The following ZSCAN1 variants were observed in gnomAD, a reference collection of about 807,000 sequenced individuals.
The protein encoded by ZSCAN1 is zinc finger and SCAN domain-containing protein 1.
In ZSCAN1, 23 loss-of-function variants were observed where a neutral mutation model predicts 23.8. The observed-to-expected ratio is 0.97, with a 90% CI of 0.70 to 1.37. ZSCAN1 has a LOEUF of 1.37. Among genes scored for constraint, ZSCAN1 ranks in the 40% most tolerant of loss-of-function variants. The pLI, the probability that ZSCAN1 is intolerant of heterozygous loss-of-function variation, is 0.00. For missense variants in ZSCAN1, 575 were observed against 554.0 expected (o/e 1.04, Z -0.38); for synonymous variants, 236 against 232.3 (o/e 1.02, Z -0.15).
chr19:58,045,427 C>T lies in ZSCAN1; in HGVS notation c.465+4883C>T, dbSNP rs754859177. 1.6e-5 allele frequency: 17 copies of T among 1,060,092 alleles called. No individual in the cohort carries two copies. Among genetic ancestry groups the T allele is most frequent in the Non-Finnish European group, 2.4e-5 (16 of 673,756 alleles). 65.7% of individuals were successfully genotyped at this position (1,060,092 alleles called of 1,614,324 possible). On this transcript the variant is annotated intron_variant, in intron 4 of 5. Coordinates refer to ENST00000282326, the MANE Select transcript of ZSCAN1 (RefSeq NM_182572.4). This position sits in a 1 kb window ranked among gnomAD's most constrained non-coding sequence, Gnocchi z 4.3. ...AAGAACGAGGCAGCCAAGGGCAGTG[C>T]CACCAAAGACTTCTCTGTGTTTTTC...
At chr19:58,050,035 A>C (rs1396243021) in intron 4 of ZSCAN1, among the ~76,000 whole-genome samples, 1 of 150,394 alleles carries the variant, frequency 6.6e-6, no homozygotes, top group Non-Finnish European at 1.5e-5. Flanking sequence ...GGAGGGGGAA[A>C]TGAAGGTTGG....
At position 58,037,715 on chromosome 19, in the gene ZSCAN1, C is replaced by G. The variant is rs1255071989; in HGVS notation, c.-109-13C>G. On this transcript the variant is annotated splice_polypyrimidine_tract_variant and intron_variant, in intron 2 of 5. Coordinates refer to ENST00000282326, the MANE Select transcript of ZSCAN1 (RefSeq NM_182572.4). Reference sequence around the variant, plus strand: ...ATCTGATGTGACCCCTCTGTCCCTGCCCCTCTCTGCAGGCCCCTGATTGCT... The same window carrying G: ...ATCTGATGTGACCCCTCTGTCCCTGGCCCTCTCTGCAGGCCCCTGATTGCT... The G allele has an allele frequency of 4.0e-6, 5 of 1,260,194 alleles. No homozygotes were observed. The Admixed American group carries it at 1.5e-4, about 37-fold the overall frequency. The allele number at this position is 1,260,194 out of a possible 1,614,324, so 78.1% of individuals were successfully genotyped here.
chr19:58,051,409 T>A (rs1449409601), intron 4 of ZSCAN1, among the ~76,000 whole-genome samples: 1 of 152,050 alleles, frequency 6.6e-6, no homozygotes, highest in African/African-American at 2.4e-5. Flanking sequence ...ATCCACATAC[T>A]CCCAACGTGA....
downstream of ZSCAN1, among the ~76,000 whole-genome samples, chr19:58,055,703 G>A (rs774580075): frequency 6.6e-6 from 1 of 152,198 alleles, no homozygotes; most frequent in Admixed American, 6.5e-5. Context: ...GGGAGCCAGG[G>A]GCTCATTCCA....
rs2073876584 is a variant in ZSCAN1 at position 58,053,999 on chromosome 19, T to C, written c.1175T>C (p.Met392Thr). 1.9e-6 allele frequency: 3 copies of C among 1,574,464 alleles called. No individual in the cohort carries two copies. Among genetic ancestry groups the C allele is most frequent in the Non-Finnish European group, 1.7e-6 (2 of 1,159,904 alleles). Residue 392 changes from methionine to threonine, a missense_variant, in exon 6 of 6, where the codon ATG becomes ACG. Met to Thr is a moderately conservative substitution (Grantham distance 81). Coordinates refer to ENST00000282326, the MANE Select transcript of ZSCAN1 (RefSeq NM_182572.4). This position sits in a 1 kb window ranked among gnomAD's most constrained non-coding sequence, Gnocchi z 5.8. ...GTCTGCGGGAAGGCCTTCCCCTGGA[T>C]GGTCCACCTCATTGACCACCAGAAG... Reference protein sequence around the residue: ...CSVCGKAFPWMVHLIDHQKLH... With the variant: ...CSVCGKAFPWTVHLIDHQKLH...
In ZSCAN1 at chr19:58,054,336, C is replaced by T. The variant is rs989010920; in HGVS notation, c.*285C>T. On this transcript the variant is annotated 3_prime_UTR_variant, in exon 6 of 6. Coordinates refer to ENST00000282326, the MANE Select transcript of ZSCAN1 (RefSeq NM_182572.4). The surrounding 1 kb of genome is among the most constrained non-coding windows in gnomAD (Gnocchi z 4.2). ...GTGGCTTGAAGAGGAGTTTCATTCG[C>T]GTCCCATCTTTCAGAAGCCTTGTCC... 2.9e-5 allele frequency: 10 copies of T among 347,048 alleles called. No homozygotes were observed. Among genetic ancestry groups the T allele is most frequent in the East Asian group, 8.8e-5 (2 of 22,732 alleles). 21.5% of individuals were successfully genotyped at this position (347,048 alleles called of 1,614,324 possible). A position where few individuals can be genotyped will look rare whatever the true frequency, so the allele number is the denominator to read the frequency against.
intron 4 of ZSCAN1, among the ~76,000 whole-genome samples, chr19:58,043,052 G>A (rs1454751537): frequency 6.6e-6 from 1 of 152,256 alleles, no homozygotes; most frequent in African/African-American, 2.4e-5. Flanking sequence ...AGGCATTGCC[G>A]CTGCCAGGGT....
In ZSCAN1 at chr19:58,052,615, C is replaced by T. The variant is rs1392801502; in HGVS notation, c.591C>T (p.Ala197=). ...HTRAEAEAPR[A]PGLLGSRARL... is the part of the protein sequence containing the mutation. The stretch of plus-strand genomic sequence containing the variant: ...GGGCGGAGGCCGAAGCGCCCCGCGC[C>T]CCTGGCTTGCTGGGTGAGTCTGGCT... Residue 197 remains alanine (A), a synonymous_variant, in exon 5 of 6, where the codon GCC becomes GCT. Transcript: ENST00000282326. 6.2e-7 allele frequency: 1 copy of T among 1,602,020 alleles called. No homozygotes were observed. Among genetic ancestry groups the T allele is most frequent in the Non-Finnish European group, 8.5e-7 (1 of 1,173,492 alleles).
At chr19:58,046,892 C>T (rs2073829938) in intron 4 of ZSCAN1, 2 of 577,398 alleles carry the variant, frequency 3.5e-6, no homozygotes, top group Non-Finnish European at 6.3e-6. Flanking sequence ...CAGAGACTTC[C>T]ATAATCAAGT....
chr19:58,036,515 C>CT lies in ZSCAN1; in HGVS notation c.-110+522dup, dbSNP rs66483587. On this transcript the variant is annotated intron_variant, in intron 2 of 5. Transcript: ENST00000282326. ...AAAGGTAACTTCTTTTTTTTCTTTT[C>CT]TTTTTTTTTTTTTTTTTTGAGACAG... 6.9e-4 allele frequency among the ~76,000 whole-genome samples: 64 copies of CT among 93,388 alleles called. 1 individual carries two copies. The highest frequency in any genetic ancestry group is 3.2e-3 in the East Asian group (13 of 4,092). 61.3% of individuals were successfully genotyped at this position (93,388 alleles called of 152,430 possible).
rs1421312957 is a variant in ZSCAN1, at chr19:58,045,688, C to G, written c.465+5144C>G. The G allele has an allele frequency of 5.4e-6, 5 of 929,596 alleles. No homozygotes were observed. Among genetic ancestry groups the G allele is most frequent in the Non-Finnish European group, 8.9e-6 (5 of 560,200 alleles). 57.6% of individuals were successfully genotyped at this position (929,596 alleles called of 1,614,324 possible). On this transcript the variant is annotated intron_variant, in intron 4 of 5. Transcript: ENST00000282326. The surrounding 1 kb of genome is among the most constrained non-coding windows in gnomAD (Gnocchi z 4.3). The stretch of plus-strand genomic sequence containing the variant: ...GGTGGACAGCCTGAACGTCAAGGAG[C>G]TGCAGGCGGCATGTCGGGCACGAGG...
chr19:58,048,037 C>A (rs1276709937), intron 4 of ZSCAN1, among the ~76,000 whole-genome samples: 1 of 152,240 alleles, frequency 6.6e-6, no homozygotes, highest in South Asian at 2.1e-4. Flanking sequence ...AGGAATGGCA[C>A]AGGCAGCCAG....
intron 1 of ZSCAN1, among the ~76,000 whole-genome samples, chr19:58,034,370 G>C (rs1368387170): frequency 6.6e-6 from 1 of 151,068 alleles, no homozygotes; most frequent in Non-Finnish European, 1.5e-5. Context: ...CGCCGTAGGG[G>C]AGGGAAGGGG....
Position 58,038,041 on chromosome 19 carries a change from C to A in ZSCAN1, c.205C>A (p.Pro69Thr), listed in dbSNP as rs756705090. ...GACGCTGTGCCGCCAGTGGCTGAGG[C>A]CCGAGGCGCGCTCCAAGGAGCAGAT... ...LWTLCRQWLR[P>T]EARSKEQMLE... The change falls in exon 3 of 6, where the codon CCC becomes ACC. Residue 69 changes from proline (P) to threonine (T), a missense_variant. Pro to Thr is a conservative substitution (Grantham distance 38). Transcript: ENST00000282326. 8.1e-6 allele frequency: 13 copies of A among 1,611,574 alleles called. No homozygotes were observed. In the African/African-American group the frequency reaches 1.7e-4, roughly 22 times the overall value.
At chr19:58,055,307 G>A (rs1175984909), downstream of ZSCAN1, among the ~76,000 whole-genome samples, 1 of 151,828 alleles carries the variant, frequency 6.6e-6, no homozygotes, top group Non-Finnish European at 1.5e-5. Flanking sequence ...AGGTCCCACG[G>A]ACCCACCGCT....
At chr19:58,036,521 T>C (rs1348899763) in intron 2 of ZSCAN1, among the ~76,000 whole-genome samples, 15 of 146,078 alleles carry the variant, frequency 1.0e-4, no homozygotes, top group South Asian at 2.2e-4. Context: ...TTTTCTTTTT[T>C]TTTTTTTTTT....
In ZSCAN1 at chr19:58,053,279, G is replaced by T; in HGVS notation, c.605-150G>T. The T allele has an allele frequency of 3.0e-6, 3 of 999,142 alleles. No homozygotes were observed. In the South Asian group the frequency reaches 4.9e-5, roughly 16 times the overall value. 61.9% of individuals were successfully genotyped at this position (999,142 alleles called of 1,614,324 possible). On this transcript the variant is annotated intron_variant, in intron 5 of 5. Transcript: ENST00000282326. The surrounding 1 kb of genome is among the most constrained non-coding windows in gnomAD (Gnocchi z 5.8). ...CCACATGTGCCCTTGTATCTTAAAG[G>T]ACAGAACGGAGGACACAGGGGCCGT...
At position 58,047,269 on chromosome 19, in the gene ZSCAN1, A is replaced by T. The variant is rs770462845; in HGVS notation, c.466-5221A>T. Among the ~76,000 whole-genome samples the T allele has an allele frequency of 6.6e-6, 1 of 152,196 alleles. No homozygotes were observed. The highest frequency in any genetic ancestry group is 1.5e-5 in the Non-Finnish European group (1 of 68,026). On this transcript the variant is annotated intron_variant, in intron 4 of 5. Transcript: ENST00000282326. This position sits in a 1 kb window ranked among gnomAD's most constrained non-coding sequence, Gnocchi z 4.9. ...AGCATCAATAGACCTGTCTTCCTGC[A>T]TGCTTTTAGTTGGATCTGGGTCACT...
Position 58,037,833 on chromosome 19 carries a change from A to C in ZSCAN1, c.-4A>C, listed in dbSNP as rs771486348. The stretch of plus-strand genomic sequence containing the variant: ...CCCCTCAGAGGGGCACTGTGGCCAG[A>C]GAAATGCTTCCACGGCCCAAAGCCC... On this transcript the variant is annotated 5_prime_UTR_variant, in exon 3 of 6. Transcript: ENST00000282326. 19 of 1,473,040 alleles carry C rather than the reference A, an allele frequency of 1.3e-5. No homozygotes were observed. The African/African-American group carries it at 1.7e-4, about 13-fold the overall frequency. 91.2% of individuals were successfully genotyped at this position (1,473,040 alleles called of 1,614,324 possible).
Sources: allele counts gnomAD v4.1 joint callset (sites outside exome capture counted in the v4.1 genomes callset), GRCh38; gene constraint gnomAD v4.1.1; non-coding constraint Gnocchi (gnomAD v3.1); transcripts MANE v1.5; gene names NCBI Gene and HGNC (gene_info 2026-07-23, HGNC 2026-07-21).